The following BTD variants were observed in gnomAD, a reference collection of about 807,000 sequenced individuals.
BTD encodes biocytinase.
BTD carries 13 observed loss-of-function variants against 17.7 expected under a neutral mutation model. That is an observed-to-expected ratio of 0.74 (90% CI 0.48 to 1.17). The LOEUF (loss-of-function observed/expected upper bound fraction) is 1.17, where lower values mean the gene tolerates loss of function less well. Ranked by LOEUF, BTD falls within the 50% of genes most tolerant of loss-of-function variation. The pLI is 0.00. For synonymous variants in BTD, 240 were observed against 245.2 expected (o/e 0.98, Z 0.20); for missense variants, 674 against 650.4 (o/e 1.04, Z -0.39).
chr3:15,695,082 A>G, intron 3 of BTD: 1 of 938,858 alleles, frequency 1.1e-6, no homozygotes, highest in African/African-American at 1.6e-5. Context: ...TTTGTGCCTA[A>G]TATGTAAAAA....
Position 15,645,075 on chromosome 3 carries a change from C to T in BTD, c.1159C>T (p.Pro387Ser), listed in dbSNP as rs777799585. Residue 387 changes from proline (P) to serine (S), a missense_variant, in exon 4 of 4, where the codon CCT becomes TCT. Pro to Ser is a moderately conservative substitution (Grantham distance 74). Coordinates refer to ENST00000643237, the MANE Select transcript of BTD (RefSeq NM_001370658.1). The stretch of plus-strand genomic sequence containing the variant: ...GATGTATGACAATTTCACCCTGGTC[C>T]CTGTCTGGGGAAAGGAAGGCTATCT... ...EMMYDNFTLV[P>S]VWGKEGYLHV... The T allele has an allele frequency of 6.2e-7, 1 of 1,614,074 alleles. No homozygotes were observed.
At position 15,651,905 on chromosome 3, in the gene BTD, A is replaced by G. The variant is rs187697205; in HGVS notation, c.*6417A>G. Among the ~76,000 whole-genome samples the G allele has an allele frequency of 1.2e-4, 18 of 152,348 alleles. No individual in the cohort carries two copies. Among genetic ancestry groups the G allele is most frequent in the Middle Eastern group, 3.4e-3 (1 of 294 alleles). ...AATAACCTTGGTAGCTAGTCTCAAGATTAGCCCCCAGTGCTCCCCACCTGC... is the reference window on the plus strand; with the variant it reads ...AATAACCTTGGTAGCTAGTCTCAAGGTTAGCCCCCAGTGCTCCCCACCTGC... On this transcript the variant is annotated 3_prime_UTR_variant, in exon 4 of 4. Transcript: ENST00000643237.
intron 3 of BTD, chr3:15,686,093 T>C (rs752819804): frequency 1.4e-5 from 23 of 1,613,376 alleles, no homozygotes; most frequent in Admixed American, 3.3e-5. Context: ...TGTGTGCCCG[T>C]TGAGAACAGA....
Position 15,644,162 on chromosome 3 carries a change from G to A in BTD, c.400-154G>A, listed in dbSNP as rs1389429556. ...ACTACAGGCATCCACCACCACGCCC[G>A]GCTAATTTTTTGTATTTTTAGTTGA... On this transcript the variant is annotated intron_variant, in intron 3 of 3. Coordinates refer to ENST00000643237, the MANE Select transcript of BTD (RefSeq NM_001370658.1). Among the ~76,000 whole-genome samples, 4 of 151,720 alleles carry A rather than the reference G, an allele frequency of 2.6e-5. 1 individual carries two copies. Among genetic ancestry groups the A allele is most frequent in the South Asian group, 4.2e-4 (2 of 4,810 alleles).
At chr3:15,711,304 C>G in exon 4 of BTD, 1 of 1,548,760 alleles carries the variant, frequency 6.5e-7, no homozygotes, top group South Asian at 1.1e-5. Context: ...TTATTTATAA[C>G]AGACATATTA....
In BTD at chr3:15,644,430, T is replaced by C. The variant is rs1167236364; in HGVS notation, c.514T>C (p.Tyr172His). 1 of 1,614,044 alleles carries C rather than the reference T, an allele frequency of 6.2e-7. No individual in the cohort carries two copies. The highest frequency in any genetic ancestry group is 8.5e-7 in the Non-Finnish European group (1 of 1,180,034). Residue 172 changes from tyrosine to histidine, a missense_variant, in exon 4 of 4, where the codon TAC becomes CAC. Physicochemically the swap from Tyr to His is moderately conservative, Grantham distance 83. Coordinates refer to ENST00000643237, the MANE Select transcript of BTD (RefSeq NM_001370658.1). ...SDPRCPKDGR[Y>H]QFNTNVVFSN... ...CCCAAGGTGCCCAAAAGATGGGAGA[T>C]ACCAGTTCAACACAAATGTCGTGTT...
chr3:15,697,098 A>C (rs2069703759), intron 3 of BTD, among the ~76,000 whole-genome samples: 1 of 152,210 alleles, frequency 6.6e-6, no homozygotes, highest in African/African-American at 2.4e-5. Flanking sequence ...TACACCATGG[A>C]ATACTATTCA....
At chr3:15,654,244 C>T (rs890525147), downstream of BTD, among the ~76,000 whole-genome samples, 3 of 152,118 alleles carry the variant, frequency 2.0e-5, no homozygotes, top group Admixed American at 6.5e-5. Context: ...AGGGAAGGAG[C>T]ATGGAGTCAG....
In BTD at chr3:15,643,264, G is replaced by T. The variant is rs538217029; in HGVS notation, c.400-1052G>T. On this transcript the variant is annotated intron_variant, in intron 3 of 3. Transcript: ENST00000643237. ...ATCTGTAATCCCAGCATTCTGGGAG[G>T]CCAAGGCTGGTGGATAGCTTGAGCT... is the stretch of plus-strand genomic sequence containing the variant. Among the ~76,000 whole-genome samples the T allele has an allele frequency of 7.2e-5, 11 of 152,252 alleles. 1 individual carries two copies. In the South Asian group the frequency reaches 2.1e-3, roughly 29 times the overall value.
chr3:15,626,363 C>G (rs938681952), intron 1 of BTD, among the ~76,000 whole-genome samples: 4 of 152,196 alleles, frequency 2.6e-5, no homozygotes, highest in East Asian at 1.9e-4. Flanking sequence ...TGCTTTGCCT[C>G]TAATGCTGAG....
At chr3:15,671,145 C>T (rs756734191) in intron 3 of BTD, among the ~76,000 whole-genome samples, 2 of 152,156 alleles carry the variant, frequency 1.3e-5, no homozygotes, top group Non-Finnish European at 1.5e-5. Flanking sequence ...AGTAGACAAA[C>T]TAAGCAGATG....
At chr3:15,625,153 T>C (rs2065036373) in intron 1 of BTD, among the ~76,000 whole-genome samples, 1 of 152,190 alleles carries the variant, frequency 6.6e-6, no homozygotes, top group South Asian at 2.1e-4. Flanking sequence ...GGCATTTAAT[T>C]GAAATGTGGT....
chr3:15,613,230 A>G (rs2064687540), intron 1 of BTD, among the ~76,000 whole-genome samples: 1 of 152,148 alleles, frequency 6.6e-6, no homozygotes. Flanking sequence ...TCCACCACAC[A>G]TTATTTTTTT....
chr3:15,721,741 G>A lies in BTD; in HGVS notation c.1016-29G>A, dbSNP rs1017797107. 7.9e-5 allele frequency among the ~76,000 whole-genome samples: 12 copies of A among 152,212 alleles called. No homozygotes were observed. In the South Asian group the frequency reaches 1.0e-3, roughly 13 times the overall value. ...AATGAGAAACAATTCATGTAATTAA[G>A]GGTTTTGCTTTTCTTTTTTTTGAGA... On this transcript the variant is annotated intron_variant, in intron 4 of 4. Coordinates refer to the BTD transcript ENST00000672427.
At chr3:15,716,360 T>C (rs765821884), downstream of BTD, among the ~76,000 whole-genome samples, 1 of 150,328 alleles carries the variant, frequency 6.7e-6, no homozygotes. Flanking sequence ...GGTGTAATCA[T>C]AGTTCACTGC....
Position 15,624,843 on chromosome 3 carries a change from G to A in BTD, c.-16-10581G>A, listed in dbSNP as rs140225054. ...CGCCTCCTGGGTTCCAGCATTTCTC[G>A]TGCCTCAGCCTCCCAAGTAGCTGGG... On this transcript the variant is annotated intron_variant, in intron 1 of 3. Coordinates refer to ENST00000643237, the MANE Select transcript of BTD (RefSeq NM_001370658.1). 5.6e-3 allele frequency among the ~76,000 whole-genome samples: 858 copies of A among 151,980 alleles called. 6 individuals are homozygous for A. Among genetic ancestry groups the A allele is most frequent in the African/African-American group, 0.019 (776 of 41,426 alleles).
At position 15,645,024 on chromosome 3, in the gene BTD, GCTC is replaced by G; in HGVS notation, c.1113_1115del (p.Pro372del). On this transcript the variant is annotated inframe_deletion, in exon 4 of 4. Transcript: ENST00000643237. ...TGAGGCCACCAAGTGGAACGTGAAT[GCTC>G]CTCCCACATTTCACTCTGAGATGAT... is the stretch of plus-strand genomic sequence containing the variant. The G allele has an allele frequency of 6.2e-7, 1 of 1,614,188 alleles. No homozygotes were observed. The highest frequency in any genetic ancestry group is 1.1e-5 in the South Asian group (1 of 91,082).
chr3:15,642,203 C>A (rs966205999), intron 3 of BTD, 146 bp downstream of exon 3: 31 of 1,509,024 alleles, frequency 2.1e-5, no homozygotes, highest in Non-Finnish European at 2.7e-5. Flanking sequence ...ATCCATGTGC[C>A]ACATGTTCAT....
Position 15,647,508 on chromosome 3 carries a change from C to T in BTD, c.*2020C>T, listed in dbSNP as rs967330056. The T allele has an allele frequency of 2.0e-5, 3 of 152,054 alleles. No homozygotes were observed. Among genetic ancestry groups the T allele is most frequent in the African/African-American group, 4.8e-5 (2 of 41,392 alleles). The allele number at this position is 152,054 out of a possible 1,614,324, so 9.4% of individuals were successfully genotyped here. On this transcript the variant is annotated 3_prime_UTR_variant, in exon 4 of 4. Transcript: ENST00000643237. ...TACCAACAATTTAGAATGAATTGCTCGTGAAGTAGAAATGAGGGGAAAAGC... is the reference window on the plus strand; with the variant it reads ...TACCAACAATTTAGAATGAATTGCTTGTGAAGTAGAAATGAGGGGAAAAGC...
Sources: gnomAD v4.1 joint callset for allele counts (sites outside exome capture counted in the v4.1 genomes callset) on GRCh38, gnomAD v4.1.1 for gene constraint, MANE v1.5 for transcripts, NCBI Gene and HGNC (gene_info 2026-07-23, HGNC 2026-07-21) for gene names.